Variants in MYRF observed in about 807,000 individuals in gnomAD.
The protein encoded by MYRF is myelin regulatory factor, also known as myelin gene regulatory factor.
In MYRF, 16 loss-of-function variants were observed where a neutral mutation model predicts 126.3. The observed-to-expected ratio is 0.13, with a 90% confidence interval of 0.09 to 0.19. The LOEUF is 0.19. MYRF is among the 10% of genes least tolerant of loss of function. The pLI is 1.00. For missense variants in MYRF, 1,104 were observed against 1,547.0 expected (o/e 0.71, Z 4.80); for synonymous variants, 608 against 635.3 (o/e 0.96, Z 0.65).
In MYRF at chr11:61,776,848, G is replaced by A. The variant is rs1200655442; in HGVS notation, c.1561G>A (p.Ala521Thr). The A allele has an allele frequency of 1.2e-6, 2 of 1,608,132 alleles. No individual in the cohort carries two copies. Among genetic ancestry groups the A allele is most frequent in the South Asian group, 1.1e-5 (1 of 89,678 alleles). Residue 521 changes from alanine to threonine, a missense_variant, in exon 11 of 27, where the codon GCC (alanine) becomes ACC (threonine). Coordinates refer to ENST00000278836, the MANE Select transcript of MYRF (RefSeq NM_001127392.3). This position sits in a 1 kb window ranked among gnomAD's most constrained non-coding sequence, Gnocchi z 4.3. ...ACAGAACCAGAACTACACGCTGGCC[G>A]CCCAGATCTCAGAGCGCATCATTGT... Reference protein sequence around the residue: ...HAQNQNYTLAAQISERIIVRA... With the variant: ...HAQNQNYTLATQISERIIVRA...
At chr11:61,755,002 G>A (rs1030069358) in intron 1 of MYRF, among the ~76,000 whole-genome samples, 76 of 152,306 alleles carry the variant, frequency 5.0e-4, no homozygotes, top group African/African-American at 1.3e-3. Context: ...CCGTGGCTGC[G>A]TCACTCTTGA....
chr11:61,784,414 G>A (rs1229117293), intron 25 of MYRF, 29 bp downstream of exon 25: 4 of 1,585,192 alleles, frequency 2.5e-6, no homozygotes, highest in Middle Eastern at 1.7e-4. Context: ...CTGCGGGCCG[G>A]CCAGGCCCGA....
chr11:61,783,087 G>A lies in MYRF; in HGVS notation c.3017-411G>A, dbSNP rs557761798. The A allele has an allele frequency of 7.9e-5, 13 of 164,874 alleles. No homozygotes were observed. Among genetic ancestry groups the A allele is most frequent in the South Asian group, 6.7e-4 (4 of 5,978 alleles). The allele number at this position is 164,874 out of a possible 1,614,324, so 10.2% of individuals were successfully genotyped here. ...GCGTGCTGGTAGCGGTGTAATCATC[G>A]GCCTCGGGGCAGAGGGGAGCCTGAT... On this transcript the variant is annotated intron_variant, in intron 22 of 26. Coordinates refer to ENST00000278836, the MANE Select transcript of MYRF (RefSeq NM_001127392.3). The surrounding 1 kb of genome is among the most constrained non-coding windows in gnomAD (Gnocchi z 4.6).
chr11:61,781,139 G>C lies in MYRF; in HGVS notation c.2574G>C (p.Val858=). The C allele has an allele frequency of 6.2e-7, 1 of 1,613,232 alleles. No homozygotes were observed. Among genetic ancestry groups the C allele is most frequent in the Non-Finnish European group, 8.5e-7 (1 of 1,179,980 alleles). ...LPGIQPSLLL[V]TTSLTSSAPG... is the part of the protein sequence containing the mutation. ...TCATACAGCCTCTGGCCTCCTCAGT[G>C]ACCACCAGCCTCACCAGCTCGGCCC... is the stretch of plus-strand genomic sequence containing the variant. The change falls in exon 21 of 27, where the codon GTG becomes GTC. Residue 858 remains valine, a splice_region_variant and synonymous_variant. Coordinates refer to ENST00000278836, the MANE Select transcript of MYRF (RefSeq NM_001127392.3).
In MYRF at chr11:61,779,443, G is replaced by T. The variant is rs1458705143; in HGVS notation, c.2174+20G>T. 4 of 1,550,290 alleles carry T rather than the reference G, an allele frequency of 2.6e-6. No individual in the cohort carries two copies. Among genetic ancestry groups the T allele is most frequent in the Non-Finnish European group, 3.5e-6 (4 of 1,146,288 alleles). ...CTTCAGGTAGGGGTGCGGGGTGGGGGAAGGTGAGACCCTTCTTCCCAGGGA... is the reference window on the plus strand; with the variant it reads ...CTTCAGGTAGGGGTGCGGGGTGGGGTAAGGTGAGACCCTTCTTCCCAGGGA... On this transcript the variant is annotated intron_variant, in intron 15 of 26. Transcript: ENST00000278836.
At chr11:61,780,154 C>G (rs752884056) in intron 17 of MYRF, 68 bp from the exon 18 acceptor site, 2 of 1,554,820 alleles carry the variant, frequency 1.3e-6, no homozygotes, top group Non-Finnish European at 1.8e-6. Context: ...GGACCACAGC[C>G]TTGTCCTAGA....
In MYRF at chr11:61,788,460, T is replaced by C. The variant is rs2066743987; in HGVS notation, c.*2317T>C. Reference sequence around the variant, plus strand: ...TTGCTTCCTGTCCCCGAAATGTTCGTTTCTTCTGAAGTAAATATACATATA... The same window carrying C: ...TTGCTTCCTGTCCCCGAAATGTTCGCTTCTTCTGAAGTAAATATACATATA... On this transcript the variant is annotated 3_prime_UTR_variant, in exon 27 of 27. Coordinates refer to ENST00000278836, the MANE Select transcript of MYRF (RefSeq NM_001127392.3). 1 of 152,314 alleles carries C rather than the reference T, an allele frequency of 6.6e-6. No individual in the cohort carries two copies. Among genetic ancestry groups the C allele is most frequent in the Non-Finnish European group, 1.5e-5 (1 of 68,042 alleles). 9.4% of individuals were successfully genotyped at this position (152,314 alleles called of 1,614,324 possible). A position where few individuals can be genotyped will look rare whatever the true frequency, so the allele number is the denominator to read the frequency against.
chr11:61,775,979 C>T lies in MYRF; in HGVS notation c.1312-77C>T, dbSNP rs1032544052. The T allele has an allele frequency of 4.5e-5, 64 of 1,426,562 alleles. 2 individuals carry two copies. Among genetic ancestry groups the T allele is most frequent in the Middle Eastern group, 1.8e-4 (1 of 5,680 alleles). The allele number at this position is 1,426,562 out of a possible 1,614,324, so 88.4% of individuals were successfully genotyped here. ...CTGGTGAGCTCTAGTTGGGCCAGGCCTGGCTGAGAGGGGGCAGGAGGGCAG... is the reference window on the plus strand; with the variant it reads ...CTGGTGAGCTCTAGTTGGGCCAGGCTTGGCTGAGAGGGGGCAGGAGGGCAG... On this transcript the variant is annotated intron_variant, in intron 8 of 26. Coordinates refer to ENST00000278836, the MANE Select transcript of MYRF (RefSeq NM_001127392.3).
chr11:61,785,591 C>A lies in MYRF; in HGVS notation c.3301-209C>A, dbSNP rs1343014633. On this transcript the variant is annotated intron_variant, in intron 25 of 26. Transcript: ENST00000278836. ...GGGCCAGGTGGAGGTGGCTGTGGAC[C>A]TGCCAGTCCCGGGCACGGTCTGCAT... is the stretch of plus-strand genomic sequence containing the variant. The A allele has an allele frequency of 8.5e-6, 5 of 584,834 alleles. No homozygotes were observed. The Admixed American group carries it at 1.2e-4, about 14-fold the overall frequency. 36.2% of individuals were successfully genotyped at this position (584,834 alleles called of 1,614,324 possible). A position where few individuals can be genotyped will look rare whatever the true frequency, so the allele number is the denominator to read the frequency against.
At chr11:61,768,538 G>A (rs1182396745) in intron 3 of MYRF, 1 of 152,270 alleles carries the variant, frequency 6.6e-6, no homozygotes, top group East Asian at 1.9e-4. Flanking sequence ...GGGATGCAGG[G>A]GGACTCTGGA....
Position 61,777,657 on chromosome 11 carries a change from T to C in MYRF, c.1792-77T>C. On this transcript the variant is annotated intron_variant, in intron 12 of 26. Coordinates refer to ENST00000278836, the MANE Select transcript of MYRF (RefSeq NM_001127392.3). The surrounding 1 kb of genome is among the most constrained non-coding windows in gnomAD (Gnocchi z 8.8). ...CCTCTCCACACTGCAGCCTCCAGGCTGCCGCCCTCCTGGGCTCCGGGGCCT... is the reference window on the plus strand; with the variant it reads ...CCTCTCCACACTGCAGCCTCCAGGCCGCCGCCCTCCTGGGCTCCGGGGCCT... 1 of 1,436,304 alleles carries C rather than the reference T, an allele frequency of 7.0e-7. No individual in the cohort carries two copies. Among genetic ancestry groups the C allele is most frequent in the South Asian group, 1.3e-5 (1 of 79,818 alleles). 89.0% of individuals were successfully genotyped at this position (1,436,304 alleles called of 1,614,324 possible).
chr11:61,771,476 C>A, intron 5 of MYRF, 24 bp from the exon 6 acceptor site: 1 of 1,598,798 alleles, frequency 6.3e-7, no homozygotes, highest in Non-Finnish European at 8.5e-7. Flanking sequence ...CCAGCCCCCA[C>A]GGCGCACACT....
Position 61,757,404 on chromosome 11 carries a change from C to A in MYRF, c.46+4614C>A. The stretch of plus-strand genomic sequence containing the variant: ...GCAGTTGTAATGGCAGGGCCTCCGT[C>A]CCAGGGTTTCTGGGGTGATTAGGTA... On this transcript the variant is annotated intron_variant, in intron 1 of 26. Transcript: ENST00000278836. This position sits in a 1 kb window ranked among gnomAD's most constrained non-coding sequence, Gnocchi z 4.7. The A allele has an allele frequency of 2.2e-6, 1 of 451,862 alleles. No individual in the cohort carries two copies. Among genetic ancestry groups the A allele is most frequent in the South Asian group, 1.6e-5 (1 of 64,380 alleles). 28.0% of individuals were successfully genotyped at this position (451,862 alleles called of 1,614,324 possible).
In MYRF at chr11:61,781,784, C is replaced by T. The variant is rs369701881; in HGVS notation, c.2976C>T (p.Ser992=). The T allele has an allele frequency of 8.1e-6, 13 of 1,602,572 alleles. 1 individual carries two copies. Among genetic ancestry groups the T allele is most frequent in the South Asian group, 4.5e-5 (4 of 89,826 alleles). The change falls in exon 22 of 27, where the codon AGC becomes AGT. Residue 992 remains serine, a synonymous_variant. Coordinates refer to ENST00000278836, the MANE Select transcript of MYRF (RefSeq NM_001127392.3). ...GRARRGALQS[S]VGPAEPTWAQ... is the part of the protein sequence containing the mutation. ...CCCGCCGAGGGGCCCTCCAGTCCAG[C>T]GTGGGCCCTGCTGAGCCCACCTGGG...
chr11:61,759,300 G>A (rs992693011), intron 1 of MYRF, among the ~76,000 whole-genome samples: 1 of 152,208 alleles, frequency 6.6e-6, no homozygotes, highest in Non-Finnish European at 1.5e-5. Flanking sequence ...CTGAGGACAG[G>A]GCGGCAGCTT....
At position 61,777,590 on chromosome 11, in the gene MYRF, C is replaced by G; in HGVS notation, c.1791+126C>G. 7.3e-7 allele frequency: 1 copy of G among 1,364,768 alleles called. No homozygotes were observed. The highest frequency in any genetic ancestry group is 1.4e-5 in the African/African-American group (1 of 69,388). The allele number at this position is 1,364,768 out of a possible 1,614,324, so 84.5% of individuals were successfully genotyped here. On this transcript the variant is annotated intron_variant, in intron 12 of 26. Transcript: ENST00000278836. This position sits in a 1 kb window ranked among gnomAD's most constrained non-coding sequence, Gnocchi z 8.8. ...CTGCGGGGGAAGGAAGGGAGGGAGG[C>G]TGGCCTCGAATCCCGATCTAACCAC...
In MYRF at chr11:61,784,328, G is replaced by A. The variant is rs1358472064; in HGVS notation, c.3243G>A (p.Glu1081=). The change falls in exon 25 of 27, where the codon GAG becomes GAA. Residue 1081 remains glutamate (E), a synonymous_variant. Transcript: ENST00000278836. ...SVVLCSLRSK[E]EPCEEGSLPQ... ...TGCTGTGCAGCCTGAGGTCAAAGGA[G>A]GAACCATGTGAGGAGGGGAGCCTTC... The A allele has an allele frequency of 6.2e-7, 1 of 1,613,934 alleles. No individual in the cohort carries two copies. Among genetic ancestry groups the A allele is most frequent in the South Asian group, 1.1e-5 (1 of 91,060 alleles).
intron 3 of MYRF, chr11:61,767,293 C>G (rs978004524): frequency 2.2e-6 from 1 of 456,684 alleles, no homozygotes; most frequent in Non-Finnish European, 4.4e-6. Context: ...TTGGTAAGCG[C>G]CTGCTGGTGC....
chr11:61,766,568 G>A (rs779969611), intron 3 of MYRF: 11 of 287,612 alleles, frequency 3.8e-5, no homozygotes, highest in Admixed American at 1.4e-4. Context: ...ACCCGTGCAC[G>A]CGCGCCAAGC....
Sources: gnomAD v4.1 joint callset for allele counts (sites outside exome capture counted in the v4.1 genomes callset) on GRCh38, gnomAD v4.1.1 for gene constraint, Gnocchi (gnomAD v3.1) non-coding constraint, MANE v1.5 for transcripts, NCBI Gene and HGNC (gene_info 2026-07-23, HGNC 2026-07-21) for gene names.